The following PRRC2C variants were observed in gnomAD, a reference collection of about 807,000 sequenced individuals.
PRRC2C encodes protein PRRC2C.
PRRC2C carries 72 observed loss-of-function variants against 317.2 expected under a neutral mutation model. The observed-to-expected ratio is 0.23, with a 90% CI of 0.19 to 0.28. PRRC2C has a LOEUF of 0.28. Ranked by LOEUF, PRRC2C falls within the 10% of genes least tolerant of loss-of-function variation. PRRC2C has a pLI of 1.00. For synonymous variants in PRRC2C, 1,296 were observed against 1,205.9 expected (o/e 1.07, Z -1.55); for missense variants, 3,074 against 3,459.7 (o/e 0.89, Z 2.80).
At chr1:171,492,591 G>A (rs1011669258) in intron 1 of PRRC2C, among the ~76,000 whole-genome samples, 12 of 152,060 alleles carry the variant, frequency 7.9e-5, no homozygotes, top group Non-Finnish European at 1.2e-4. Flanking sequence ...GTTGCCTGAG[G>A]AGGGGTGAAC....
chr1:171,537,607 T>G, intron 15 of PRRC2C, 134 bp downstream of exon 15: 20 of 780,762 alleles, frequency 2.6e-5, no homozygotes, highest in Non-Finnish European at 3.6e-5. Context: ...TTTAGCATGC[T>G]ACGCTTACTC....
chr1:171,588,232 C>T lies in PRRC2C; in HGVS notation c.8073-147C>T. On this transcript the variant is annotated intron_variant, in intron 32 of 34. Coordinates refer to ENST00000647382, the MANE Select transcript of PRRC2C (RefSeq NM_001387844.1). ...TTACCTCTGCTCCTCCAATGTCTCTCTTCTACCAGAATGTTTTGGTAATCA... is the reference window on the plus strand; with the variant it reads ...TTACCTCTGCTCCTCCAATGTCTCTTTTCTACCAGAATGTTTTGGTAATCA... The T allele has an allele frequency of 3.3e-6, 3 of 911,920 alleles. No individual in the cohort carries two copies. In the South Asian group the frequency reaches 4.5e-5, roughly 14 times the overall value. 56.5% of individuals were successfully genotyped at this position (911,920 alleles called of 1,614,324 possible). A position where few individuals can be genotyped will look rare whatever the true frequency, so the allele number is the denominator to read the frequency against.
chr1:171,579,827 G>T lies in PRRC2C; in HGVS notation c.7273-1G>T. On this transcript the variant is annotated splice_acceptor_variant, in intron 27 of 34. Coordinates refer to ENST00000647382, the MANE Select transcript of PRRC2C (RefSeq NM_001387844.1). LOFTEE classifies it high-confidence loss of function. ...TTACATACTTTCTCAATGCATTGCA[G>T]CCAACTTCAGTTCAGCAGATTCCAA... 2 of 1,546,190 alleles carry T rather than the reference G, an allele frequency of 1.3e-6. No homozygotes were observed. The highest frequency in any genetic ancestry group is 2.3e-5 in the East Asian group (1 of 43,550).
Position 171,557,911 on chromosome 1 carries a change from G to C in PRRC2C, c.5799G>C (p.Gln1933His), listed in dbSNP as rs771209660. 20 of 1,395,256 alleles carry C rather than the reference G, an allele frequency of 1.4e-5. No homozygotes were observed. Among genetic ancestry groups the C allele is most frequent in the East Asian group, 7.4e-5 (2 of 27,036 alleles). 86.4% of individuals were successfully genotyped at this position (1,395,256 alleles called of 1,614,324 possible). Residue 1933 changes from glutamine to histidine, a missense_variant, in exon 19 of 35, where the codon CAG becomes CAC. Gln to His is a conservative substitution (Grantham distance 24). Coordinates refer to ENST00000647382, the MANE Select transcript of PRRC2C (RefSeq NM_001387844.1). Reference protein sequence around the residue: ...APNPAPPAPAQTQAQTHKPVQ... With the variant: ...APNPAPPAPAHTQAQTHKPVQ... Reference sequence around the variant, plus strand: ...ATCCTGCCCCACCTGCCCCAGCCCAGACTCAGGCACAGACCCACAAACCAG... The same window carrying C: ...ATCCTGCCCCACCTGCCCCAGCCCACACTCAGGCACAGACCCACAAACCAG...
Sources: gnomAD v4.1 joint callset for allele counts (sites outside exome capture counted in the v4.1 genomes callset) on GRCh38, gnomAD v4.1.1 for gene constraint, MANE v1.5 for transcripts, NCBI Gene and HGNC (gene_info 2026-07-23, HGNC 2026-07-21) for gene names.